HPSE: variants seen among roughly 807,000 people sequenced by gnomAD.
The protein encoded by HPSE is heparanase.
Under a neutral mutation model 65.1 loss-of-function variants are expected in HPSE, and 48 were observed. The observed-to-expected ratio is 0.74, with a 90% CI of 0.58 to 0.94. HPSE has a LOEUF of 0.94. HPSE is among the 40% of genes least tolerant of loss of function. The pLI, the probability that HPSE is intolerant of heterozygous loss-of-function variation, is 0.00. For missense variants in HPSE, 644 were observed against 637.5 expected (o/e 1.01, Z -0.11); for synonymous variants, 243 against 260.0 (o/e 0.93, Z 0.63).
At chr4:83,310,407 C>T (rs901161666) in intron 5 of HPSE, among the ~76,000 whole-genome samples, 2 of 151,662 alleles carry the variant, frequency 1.3e-5, no homozygotes, top group Non-Finnish European at 1.5e-5. Flanking sequence ...TGGCTCATGC[C>T]TGTAATCCTG....
At chr4:83,301,601 G>A (rs1735951027) in intron 10 of HPSE, among the ~76,000 whole-genome samples, 1 of 152,072 alleles carries the variant, frequency 6.6e-6, no homozygotes, top group South Asian at 2.1e-4. Flanking sequence ...ACTTCCTACT[G>A]GGGTCCTCAC....
chr4:83,295,644 A>G (rs1735696610), intron 11 of HPSE, 141 bp from the exon 12 acceptor site: 5 of 539,260 alleles, frequency 9.3e-6, no homozygotes, highest in Non-Finnish European at 1.6e-5. Context: ...TTTCAACACT[A>G]TATCACTTAG....
rs1735623863 is a variant in HPSE at position 83,293,580 on chromosome 4, G to C, written c.*1764C>G. ...GAATTAGGAGTTTCTGTTACTTGCA[G>C]CCAAAAGCTTCCCAACTGAAACAAG... On this transcript the variant is annotated 3_prime_UTR_variant, in exon 12 of 12. Transcript: ENST00000311412. The C allele has an allele frequency of 1.3e-5, 2 of 152,204 alleles. No individual in the cohort carries two copies. The highest frequency in any genetic ancestry group is 2.9e-5 in the Non-Finnish European group (2 of 68,038). The allele number at this position is 152,204 out of a possible 1,614,324, so 9.4% of individuals were successfully genotyped here.
Position 83,306,244 on chromosome 4 carries a change from C to T in HPSE, c.1165G>A (p.Gly389Arg). 1 of 1,613,534 alleles carries T rather than the reference C, an allele frequency of 6.2e-7. No homozygotes were observed. The highest frequency in any genetic ancestry group is 8.5e-7 in the Non-Finnish European group (1 of 1,179,496). ...VVMRQVFFGA[G>R]NYHLVDENFD... The stretch of plus-strand genomic sequence containing the variant: ...TTTTCATCCACTAAATGGTAGTTTC[C>T]TGCTCCAAAGAATACTTGCCTCATC... The change falls in exon 9 of 12, where the codon GGA (glycine) becomes AGA (arginine). Residue 389 changes from glycine to arginine, a missense_variant. Gly to Arg is a moderately radical substitution (Grantham distance 125). Coordinates refer to ENST00000311412, the MANE Select transcript of HPSE (RefSeq NM_001098540.3).
At chr4:83,298,165 A>G (rs1023378421) in intron 11 of HPSE, among the ~76,000 whole-genome samples, 4 of 152,198 alleles carry the variant, frequency 2.6e-5, no homozygotes, top group Non-Finnish European at 4.4e-5. Flanking sequence ...TAATTTGGGT[A>G]TAGTGTTTTA....
At chr4:83,302,576 C>G (rs2126184265) in intron 9 of HPSE, among the ~76,000 whole-genome samples, 1 of 152,244 alleles carries the variant, frequency 6.6e-6, no homozygotes, top group Non-Finnish European at 1.5e-5. Context: ...TCCAAGAATT[C>G]AAAGCAAAGC....
At chr4:83,304,250 A>G (rs1222326396) in intron 9 of HPSE, among the ~76,000 whole-genome samples, 4 of 152,202 alleles carry the variant, frequency 2.6e-5, no homozygotes, top group Non-Finnish European at 4.4e-5. Flanking sequence ...CTCTACACTG[A>G]TAAGGGTCTG....
chr4:83,296,474 G>T (rs1735725441), intron 11 of HPSE, among the ~76,000 whole-genome samples: 1 of 152,072 alleles, frequency 6.6e-6, no homozygotes, highest in African/African-American at 2.4e-5. Flanking sequence ...AGGAGTTCAA[G>T]ATCAGCCTGG....
Position 83,334,768 on chromosome 4 carries a change from C to A in HPSE, c.15G>T (p.Ser5=). 5 of 1,547,758 alleles carry A rather than the reference C, an allele frequency of 3.2e-6. No homozygotes were observed. The highest frequency in any genetic ancestry group is 2.4e-5 in the East Asian group (1 of 41,002). Residue 5 remains serine (S), a synonymous_variant, in exon 1 of 12, where the codon TCG becomes TCT. Transcript: ENST00000311412. The stretch of plus-strand genomic sequence containing the variant: ...TCAGCGGCGGCGGCAGCGCAGGCTT[C>A]GAGCGCAGCAGCATCTTGGGCTCAC... MLLR[S]KPALPPPLML... is the part of the protein sequence containing the mutation.
chr4:83,316,683 C>T (rs565511259), intron 3 of HPSE, among the ~76,000 whole-genome samples: 2 of 152,272 alleles, frequency 1.3e-5, no homozygotes, highest in South Asian at 2.1e-4. Context: ...ATAAGGGAGT[C>T]ATCCTTTCTG....
rs538088912 is a variant in HPSE at position 83,326,564 on chromosome 4, C to G, written c.228-4200G>C. ...AAAACATACTTCCATCCATCAGGCG[C>G]TTCGCCCTGTGTGTCTGGAACTCAG... On this transcript the variant is annotated intron_variant, in intron 1 of 11. Transcript: ENST00000311412. This position sits in a 1 kb window ranked among gnomAD's most constrained non-coding sequence, Gnocchi z 4.2. Among the ~76,000 whole-genome samples the G allele has an allele frequency of 6.6e-6, 1 of 152,330 alleles. No homozygotes were observed. The highest frequency in any genetic ancestry group is 6.5e-5 in the Admixed American group (1 of 15,304).
At chr4:83,334,910 C>T (rs1164625652), upstream of HPSE, 4 of 1,381,918 alleles carry the variant, frequency 2.9e-6, no homozygotes, top group African/African-American at 4.4e-5. Flanking sequence ...CCTCCTCACC[C>T]CTCCCACTGC....
Position 83,310,925 on chromosome 4 carries a change from A to G in HPSE, c.674-35T>C, listed in dbSNP as rs72936100. On this transcript the variant is annotated intron_variant, in intron 4 of 11. Coordinates refer to ENST00000311412, the MANE Select transcript of HPSE (RefSeq NM_001098540.3). Reference sequence around the variant, plus strand: ...AGCAATTCTCAAAATATATATCGAGAAATGTTGTATTTAAAAGCAAACATA... The same window carrying G: ...AGCAATTCTCAAAATATATATCGAGGAATGTTGTATTTAAAAGCAAACATA... The G allele has an allele frequency of 5.7e-4, 875 of 1,535,590 alleles. 2 individuals are homozygous for G. The African/African-American group carries it at 0.01, about 18-fold the overall frequency.
rs536663160 is a variant in HPSE at position 83,293,090 on chromosome 4, A to G, written c.*2254T>C. 6.6e-6 allele frequency: 1 copy of G among 152,266 alleles called. No homozygotes were observed. The highest frequency in any genetic ancestry group is 1.9e-4 in the East Asian group (1 of 5,184). 9.4% of individuals were successfully genotyped at this position (152,266 alleles called of 1,614,324 possible). A position where few individuals can be genotyped will look rare whatever the true frequency, so the allele number is the denominator to read the frequency against. On this transcript the variant is annotated 3_prime_UTR_variant, in exon 12 of 12. Coordinates refer to ENST00000311412, the MANE Select transcript of HPSE (RefSeq NM_001098540.3). ...ATCCTTAAGAGGGGAAAATAATTAC[A>G]TTTTTTCACTGGTAAAAAGCGCAGA...
intron 8 of HPSE, 81 bp downstream of exon 8, chr4:83,308,764 G>A: frequency 9.4e-7 from 1 of 1,059,064 alleles, no homozygotes; most frequent in South Asian, 1.4e-5. Flanking sequence ...TCTGCTTTTT[G>A]GCTGGGGAGC....
Position 83,295,257 on chromosome 4 carries a change from A to G in HPSE, c.*87T>C, listed in dbSNP as rs926236098. 8.6e-7 allele frequency: 1 copy of G among 1,156,724 alleles called. No individual in the cohort carries two copies. The highest frequency in any genetic ancestry group is 1.2e-6 in the Non-Finnish European group (1 of 813,690). The allele number at this position is 1,156,724 out of a possible 1,614,324, so 71.7% of individuals were successfully genotyped here. ...TCAAGCACCCACTAGTTGCTTTGCAAGGTATCTGCTTCCTTTCCTATAACT... is the reference window on the plus strand; with the variant it reads ...TCAAGCACCCACTAGTTGCTTTGCAGGGTATCTGCTTCCTTTCCTATAACT... On this transcript the variant is annotated 3_prime_UTR_variant, in exon 12 of 12. Coordinates refer to ENST00000311412, the MANE Select transcript of HPSE (RefSeq NM_001098540.3).
intron 5 of HPSE, among the ~76,000 whole-genome samples, chr4:83,310,299 A>C (rs1736316594): frequency 6.6e-6 from 1 of 152,062 alleles, no homozygotes; most frequent in Admixed American, 6.6e-5. Flanking sequence ...TAAATCATGT[A>C]TTCAGGCAGC....
Position 83,313,261 on chromosome 4 carries a change from A to C in HPSE, c.526T>G (p.Phe176Val). ...AAGTCCAGTCCTGAGCAGTTTGCAA[A>C]AGTGTATAGCACATCTACAGAGCTT... is the stretch of plus-strand genomic sequence containing the variant. ...SRSSVDVLYT[F>V]ANCSGLDLIF... Residue 176 changes from phenylalanine (F) to valine (V), a missense_variant, in exon 4 of 12, where the codon TTT becomes GTT. Transcript: ENST00000311412. 1 of 1,613,802 alleles carries C rather than the reference A, an allele frequency of 6.2e-7. No individual in the cohort carries two copies. The highest frequency in any genetic ancestry group is 8.5e-7 in the Non-Finnish European group (1 of 1,179,830).
At chr4:83,311,150 A>G (rs1736356611) in intron 4 of HPSE, among the ~76,000 whole-genome samples, 1 of 117,310 alleles carries the variant, frequency 8.5e-6, no homozygotes, top group Non-Finnish European at 2.2e-5. Flanking sequence ...TCCATGGGGA[A>G]AAAAAAAAAT....
Sources: allele counts gnomAD v4.1 joint callset (sites outside exome capture counted in the v4.1 genomes callset), GRCh38; gene constraint gnomAD v4.1.1; non-coding constraint Gnocchi (gnomAD v3.1); transcripts MANE v1.5; gene names NCBI Gene and HGNC (gene_info 2026-07-23, HGNC 2026-07-21).